TTC19: variants seen among roughly 807,000 people sequenced by gnomAD.
The protein encoded by TTC19 is tetratricopeptide repeat domain 19, also known as tetratricopeptide repeat protein 19, mitochondrial.
A neutral mutation model predicts 49.5 loss-of-function variants in TTC19; 38 were observed. The observed-to-expected ratio is 0.77, with a 90% CI of 0.59 to 1.01. TTC19 has a LOEUF of 1.01. Among genes scored for constraint, TTC19 ranks in the 50% least tolerant of loss-of-function variants. The probability of loss-of-function intolerance (pLI) is 0.00; values close to 1 mark genes in which losing one functional copy is unlikely to be tolerated. For synonymous variants in TTC19, 204 were observed against 185.2 expected (o/e 1.10, Z -0.83); for missense variants, 475 against 477.7 (o/e 0.99, Z 0.05).
chr17:16,000,664 C>G (rs1970697972), intron 2 of TTC19, among the ~76,000 whole-genome samples: 1 of 152,118 alleles, frequency 6.6e-6, no homozygotes, highest in African/African-American at 2.4e-5. Context: ...ACATCCTTTT[C>G]TATTTTTTTT....
rs1049112373 is a variant in TTC19 at position 16,000,401 on chromosome 17, G to C, written c.312+156G>C. On this transcript the variant is annotated intron_variant, in intron 2 of 9. Transcript: ENST00000261647. ...GAATGAGGTGGGTCATCCGAGAGGG[G>C]ATTGGAATCCATCCAGGCTTTTCCG... 5 of 1,487,390 alleles carry C rather than the reference G, an allele frequency of 3.4e-6. No individual in the cohort carries two copies. In the African/African-American group the frequency reaches 7.0e-5, roughly 21 times the overall value. 92.1% of individuals were successfully genotyped at this position (1,487,390 alleles called of 1,614,324 possible). A position where few individuals can be genotyped will look rare whatever the true frequency, so the allele number is the denominator to read the frequency against.
At chr17:16,026,772 AGTG>A in intron 9 of TTC19, 70 bp downstream of exon 9, 1 of 1,548,832 alleles carries the variant, frequency 6.5e-7, no homozygotes, top group Non-Finnish European at 8.9e-7. Flanking sequence ...AGATTTGTGA[AGTG>A]GTATGTAGGG....
intron 7 of TTC19, among the ~76,000 whole-genome samples, chr17:16,009,611 T>G (rs2151656694): frequency 6.6e-6 from 1 of 152,324 alleles, no homozygotes; most frequent in African/African-American, 2.4e-5. Flanking sequence ...TGTTACATGA[T>G]TCTTCATCTT....
chr17:16,001,844 T>C, intron 2 of TTC19, 71 bp from the exon 3 acceptor site: 1 of 1,044,740 alleles, frequency 9.6e-7, no homozygotes, highest in Non-Finnish European at 1.5e-6. Flanking sequence ...TACAGTTGCA[T>C]ACACTTCTGT....
downstream of TTC19, among the ~76,000 whole-genome samples, chr17:16,033,775 G>A (rs1445258358): frequency 6.6e-6 from 1 of 152,126 alleles, no homozygotes; most frequent in Non-Finnish European, 1.5e-5. Flanking sequence ...ATCAGTTTGT[G>A]TAAATGTAGT....
chr17:16,044,205 A>G (rs1334915226), intron 2 of TTC19, among the ~76,000 whole-genome samples: 2 of 151,352 alleles, frequency 1.3e-5, no homozygotes, highest in Non-Finnish European at 2.9e-5. Flanking sequence ...AAGAAAGGCT[A>G]TCTGTAAGCC....
At chr17:16,039,064 C>A (rs1046226241) in intron 2 of TTC19, among the ~76,000 whole-genome samples, 1 of 152,242 alleles carries the variant, frequency 6.6e-6, no homozygotes, top group Admixed American at 6.5e-5. Context: ...CCACCGCACC[C>A]GGCTGGCTTA....
chr17:16,028,114 A>G lies in TTC19; in HGVS notation c.*592A>G, dbSNP rs930733053. ...GGGATTAGGCACGTGACAGTATAGC[A>G]CCCATTTGAATTTAAATAAAAGTGA... On this transcript the variant is annotated 3_prime_UTR_variant, in exon 10 of 10. Coordinates refer to ENST00000261647, the MANE Select transcript of TTC19 (RefSeq NM_017775.4). 35 of 453,936 alleles carry G rather than the reference A, an allele frequency of 7.7e-5. 2 individuals are homozygous for G. The Admixed American group carries it at 8.2e-4, about 11-fold the overall frequency. 28.1% of individuals were successfully genotyped at this position (453,936 alleles called of 1,614,324 possible). A position where few individuals can be genotyped will look rare whatever the true frequency, so the allele number is the denominator to read the frequency against.
chr17:16,023,286 CCACTA>C (rs1332618591), intron 7 of TTC19: 45 of 152,340 alleles, frequency 3.0e-4, no homozygotes, highest in African/African-American at 1.1e-3. Context: ...TGCTTCCACT[CCACTA>C]TTCAGTGATA....
Position 15,999,912 on chromosome 17 carries a change from C to A in TTC19, c.64C>A (p.Arg22=). Residue 22 remains arginine, a synonymous_variant, in exon 1 of 10, where the codon CGG becomes AGG. Coordinates refer to ENST00000261647, the MANE Select transcript of TTC19 (RefSeq NM_017775.4). Reference sequence around the variant, plus strand: ...CCTGCGGGCCGCGGGGCGGCGGTGCCGGGGCTGCTCCGCGCGCCTGCTCCC... The same window carrying A: ...CCTGCGGGCCGCGGGGCGGCGGTGCAGGGGCTGCTCCGCGCGCCTGCTCCC... ...GFLRAAGRRC[R]GCSARLLPGL... 7.4e-7 allele frequency: 1 copy of A among 1,357,734 alleles called. No homozygotes were observed. Among genetic ancestry groups the A allele is most frequent in the South Asian group, 1.8e-5 (1 of 55,806 alleles). 84.1% of individuals were successfully genotyped at this position (1,357,734 alleles called of 1,614,324 possible).
At chr17:16,013,479 T>G (rs966020558) in intron 7 of TTC19, among the ~76,000 whole-genome samples, 3 of 152,206 alleles carry the variant, frequency 2.0e-5, no homozygotes, top group African/African-American at 7.2e-5. Context: ...TCATCTTTCC[T>G]TATAATTTTC....
chr17:16,034,775 G>C (rs1162348245), intron 2 of TTC19: 1 of 1,612,308 alleles, frequency 6.2e-7, no homozygotes. Flanking sequence ...CTGTTGAAGA[G>C]GGCCTGTCTT....
intron 8 of TTC19, 146 bp from the exon 9 acceptor site, chr17:16,026,394 A>C (rs1971561527): frequency 1.4e-6 from 1 of 739,102 alleles, no homozygotes; most frequent in African/African-American, 1.8e-5. Flanking sequence ...AAATGCCCAC[A>C]AATTTGTTAA....
intron 7 of TTC19, among the ~76,000 whole-genome samples, chr17:16,021,558 T>C (rs1194751733): frequency 1.3e-5 from 2 of 152,234 alleles, no homozygotes; most frequent in Non-Finnish European, 1.5e-5. Context: ...TGGTGTCTTA[T>C]AGAGGGGGTA....
intron 2 of TTC19, chr17:16,039,442 G>A: frequency 6.2e-7 from 1 of 1,613,812 alleles, no homozygotes; most frequent in South Asian, 1.1e-5. Flanking sequence ...CCTGAATGAG[G>A]TGATGGGTCC....
Position 16,006,403 on chromosome 17 carries a change from T to G in TTC19, c.582-71T>G, listed in dbSNP as rs534614710. 9 of 1,147,858 alleles carry G rather than the reference T, an allele frequency of 7.8e-6. No homozygotes were observed. In the African/African-American group the frequency reaches 1.2e-4, roughly 16 times the overall value. 71.1% of individuals were successfully genotyped at this position (1,147,858 alleles called of 1,614,324 possible). A position where few individuals can be genotyped will look rare whatever the true frequency, so the allele number is the denominator to read the frequency against. ...CCAGCCTGGGCAACAAGAGCGAAAC[T>G]CCATCTCAACAGAAGGAAGAAAAAA... is the stretch of plus-strand genomic sequence containing the variant. On this transcript the variant is annotated intron_variant, in intron 6 of 9. Transcript: ENST00000261647.
chr17:16,022,514 C>T (rs989239834), intron 7 of TTC19, among the ~76,000 whole-genome samples: 1 of 152,118 alleles, frequency 6.6e-6, no homozygotes, highest in Non-Finnish European at 1.5e-5. Flanking sequence ...GTTTCAAAGA[C>T]CCTTGTAGAC....
chr17:16,037,205 T>C (rs2056577168), intron 2 of TTC19, among the ~76,000 whole-genome samples: 1 of 152,190 alleles, frequency 6.6e-6, no homozygotes, highest in Admixed American at 6.5e-5. Flanking sequence ...TGCCATCTTA[T>C]ACAGGTGCTC....
chr17:16,040,607 A>C, intron 2 of TTC19: 3 of 938,940 alleles, frequency 3.2e-6, no homozygotes, highest in Non-Finnish European at 4.9e-6. Flanking sequence ...CATGATCTCA[A>C]CCTTTATTTC....
Sources: allele counts gnomAD v4.1 joint callset (sites outside exome capture counted in the v4.1 genomes callset), GRCh38; gene constraint gnomAD v4.1.1; transcripts MANE v1.5; gene names NCBI Gene and HGNC (gene_info 2026-07-23, HGNC 2026-07-21).